DECR2: variants seen among roughly 807,000 people sequenced by gnomAD.
DECR2 encodes the protein 2,4-dienoyl-CoA reductase 2, also known as peroxisomal 2,4-dienoyl-CoA reductase [(3E)-enoyl-CoA-producing].
In DECR2, 34 loss-of-function variants were observed where a neutral mutation model predicts 29.2. That is an observed-to-expected ratio of 1.16 (90% CI 0.89 to 1.55). The LOEUF (loss-of-function observed/expected upper bound fraction) is 1.55. DECR2 is among the 40% of genes most tolerant of loss of function. DECR2 has a pLI of 0.00. For synonymous variants in DECR2, 224 were observed against 182.7 expected (o/e 1.23, Z -1.82); for missense variants, 485 against 425.3 (o/e 1.14, Z -1.23).
intron 4 of DECR2, among the ~76,000 whole-genome samples, chr16:407,863 G>T (rs1404298209): frequency 7.9e-6 from 1 of 126,606 alleles, no homozygotes; most frequent in Non-Finnish European, 1.7e-5. Flanking sequence ...CTGTCTCCGG[G>T]CGTCTCTCTC....
In DECR2 at chr16:407,637, T is replaced by G. The variant is rs574796225; in HGVS notation, c.337+77T>G. The G allele has an allele frequency of 2.8e-5, 44 of 1,579,854 alleles. No individual in the cohort carries two copies. In the African/African-American group the frequency reaches 4.4e-4, roughly 16 times the overall value. On this transcript the variant is annotated intron_variant, in intron 4 of 8. Coordinates refer to ENST00000219481, the MANE Select transcript of DECR2 (RefSeq NM_020664.4). ...TTTGGAGGCCCTAGAACTCTGGTCA[T>G]GGGGTGGGGACCATGCCAGGGAACC...
chr16:404,900 G>A, intron 1 of DECR2, 56 bp from the exon 2 acceptor site: 1 of 1,595,256 alleles, frequency 6.3e-7, no homozygotes, highest in Non-Finnish European at 8.6e-7. Flanking sequence ...AGTGCTGGGA[G>A]CCACCGGCCC....
rs570280733 is a variant in DECR2, at chr16:411,071, G to T, written c.656G>T (p.Arg219Leu). The part of the protein sequence containing the change: ...GPISGTEGLR[R>L]LGGPQASLST... ...ATCAGTGGCACAGAGGGGCTCCGGC[G>T]ACTGGGTAAGGCTCTCAGGGAGCCC... The change falls in exon 7 of 9, where the codon CGA (arginine) becomes CTA (leucine). Residue 219 changes from arginine (R) to leucine (L), a missense_variant. Transcript: ENST00000219481. 1.3e-6 allele frequency: 2 copies of T among 1,537,450 alleles called. No individual in the cohort carries two copies. Among genetic ancestry groups the T allele is most frequent in the Non-Finnish European group, 1.7e-6 (2 of 1,145,720 alleles).
chr16:407,971 C>CCCCCTGTCTCCGGCCCCCTGTCTCCGGG (rs2054753085), intron 4 of DECR2, among the ~76,000 whole-genome samples: 2 of 75,962 alleles, frequency 2.6e-5, no homozygotes, highest in African/African-American at 7.6e-5. Context: ...CTGTCTCCGG[C>CCCCCTGTCTCCGGCCCCCTGTCTCCGGG]CCCCTGTCTC....
chr16:405,509 T>C (rs1452324975), intron 2 of DECR2: 2 of 1,300,132 alleles, frequency 1.5e-6, no homozygotes, highest in Admixed American at 2.4e-5. Flanking sequence ...GGCTTTGTGC[T>C]CAGGGCATCT....
intron 2 of DECR2, chr16:405,500 G>C: frequency 7.7e-7 from 1 of 1,295,650 alleles, no homozygotes; most frequent in South Asian, 1.2e-5. Flanking sequence ...TCCACTGGTG[G>C]CTTTGTGCTC....
At chr16:402,144 C>T (rs2054674032) in intron 1 of DECR2, 101 bp downstream of exon 1, 1 of 904,524 alleles carries the variant, frequency 1.1e-6, no homozygotes, top group Non-Finnish European at 1.5e-6. Context: ...GTTAGGAAAC[C>T]TGTCTTGCCT....
chr16:404,508 G>C (rs1018459126), intron 1 of DECR2, among the ~76,000 whole-genome samples: 18 of 152,144 alleles, frequency 1.2e-4, no homozygotes, highest in African/African-American at 4.3e-4. Flanking sequence ...CTAAAGTGCT[G>C]TGATTAGAGG....
At chr16:405,699 T>TAG in intron 2 of DECR2, 2 of 974,718 alleles carry the variant, frequency 2.1e-6, no homozygotes, top group Non-Finnish European at 1.5e-6. Flanking sequence ...GGCAGAAGCG[T>TAG]AGTCTTGGGT....
Position 407,505 on chromosome 16 carries a change from G to C in DECR2, c.282G>C (p.Met94Ile), listed in dbSNP as rs749024117. ...ACGTCCGAGCGCCCCCAGCTGTCAT[G>C]GCCGCCGTGGACCAGGCTCTGAAGG... The part of the protein sequence containing the change: ...SMDVRAPPAV[M>I]AAVDQALKEF... Residue 94 changes from methionine (M) to isoleucine (I), a missense_variant, in exon 4 of 9, where the codon ATG becomes ATC. By Grantham distance (10) the Met-to-Ile change is conservative (BLOSUM62 1). Transcript: ENST00000219481. 11 of 1,613,886 alleles carry C rather than the reference G, an allele frequency of 6.8e-6. No individual in the cohort carries two copies. In the South Asian group the frequency reaches 1.1e-4, roughly 16 times the overall value.
At chr16:408,016 CCTGTCTCCGGGCCCCTGTCTCCGGGCCT>C (rs2054755530) in intron 4 of DECR2, among the ~76,000 whole-genome samples, 2 of 51,526 alleles carry the variant, frequency 3.9e-5, no homozygotes, top group African/African-American at 1.0e-4. Flanking sequence ...TCTCCGGCCC[CCTGTCTCCGGGCCCCTGTCTCCGGGCCT>C]CTGTCTCCGG....
intron 2 of DECR2, 38 bp downstream of exon 2, chr16:405,062 C>T: frequency 6.2e-7 from 1 of 1,612,508 alleles, no homozygotes; most frequent in East Asian, 2.2e-5. Flanking sequence ...CTCCTCGCTT[C>T]TCCCTGCCCG....
chr16:410,976 G>A lies in DECR2; in HGVS notation c.561G>A (p.Ala187=), dbSNP rs140561403. 25,716 of 1,597,190 alleles carry A rather than the reference G, an allele frequency of 0.016. 245 individuals are homozygous for A. Among genetic ancestry groups the A allele is most frequent in the Non-Finnish European group, 0.02 (23,017 of 1,172,012 alleles). The change falls in exon 7 of 9, where the codon GCG becomes GCA. Residue 187 remains alanine, a synonymous_variant. Transcript: ENST00000219481. This position sits in a 1 kb window ranked among gnomAD's most constrained non-coding sequence, Gnocchi z 4.1. The stretch of plus-strand genomic sequence containing the variant: ...ATCCAACTTTCTTCTGTGCAGACGC[G>A]ATGACGCGGCACTTGGCTGTGGAGT... ...HAGSAKAAVD[A]MTRHLAVEWG... is the part of the protein sequence containing the mutation.
At chr16:407,646 G>A (rs878889018) in intron 4 of DECR2, 86 bp downstream of exon 4, 1 of 1,555,450 alleles carries the variant, frequency 6.4e-7, no homozygotes, top group Admixed American at 1.8e-5. Flanking sequence ...ATGGGGTGGG[G>A]ACCATGCCAG....
At position 410,994 on chromosome 16, in the gene DECR2, T is replaced by G. The variant is rs1318971509; in HGVS notation, c.579T>G (p.Ala193=). 1 of 1,603,472 alleles carries G rather than the reference T, an allele frequency of 6.2e-7. No individual in the cohort carries two copies. The highest frequency in any genetic ancestry group is 8.5e-7 in the Non-Finnish European group (1 of 1,175,458). ...AAVDAMTRHL[A]VEWGPQNIRV... ...CAGACGCGATGACGCGGCACTTGGC[T>G]GTGGAGTGGGGTCCCCAAAACATCC... Residue 193 remains alanine (A), a synonymous_variant, in exon 7 of 9, where the codon GCT becomes GCG. Transcript: ENST00000219481. The surrounding 1 kb of genome is among the most constrained non-coding windows in gnomAD (Gnocchi z 4.1).
Position 402,795 on chromosome 16 carries a change from C to G in DECR2, c.80+752C>G, listed in dbSNP as rs192372224. ...GGTCAGGAGTTCGAGACCAGCCTGG[C>G]CAACATGGTGAAACCCCGTCTCTGC... is the stretch of plus-strand genomic sequence containing the variant. On this transcript the variant is annotated intron_variant, in intron 1 of 8. Coordinates refer to ENST00000219481, the MANE Select transcript of DECR2 (RefSeq NM_020664.4). The G allele has an allele frequency of 2.9e-3, 445 of 152,540 alleles. 2 individuals carry two copies. The highest frequency in any genetic ancestry group is 6.8e-3 in the Middle Eastern group (2 of 296). The allele number at this position is 152,540 out of a possible 1,614,324, so 9.4% of individuals were successfully genotyped here. A position where few individuals can be genotyped will look rare whatever the true frequency, so the allele number is the denominator to read the frequency against.
intron 1 of DECR2, 128 bp downstream of exon 1, chr16:402,171 T>G: frequency 1.3e-6 from 1 of 741,006 alleles, no homozygotes; most frequent in Non-Finnish European, 1.9e-6. Context: ...TTTCTTTCTT[T>G]TTTCTTTCTT....
rs1447239771 is a variant in DECR2, at chr16:410,584, G to A, written c.463-107G>A. ...CCCTGCCCTGGGCCTCCCCCTGACGGCCGCCCGCTCCCTGCCCCGGGCCTC... is the reference window on the plus strand; with the variant it reads ...CCCTGCCCTGGGCCTCCCCCTGACGACCGCCCGCTCCCTGCCCCGGGCCTC... On this transcript the variant is annotated intron_variant, in intron 5 of 8. Coordinates refer to ENST00000219481, the MANE Select transcript of DECR2 (RefSeq NM_020664.4). This position sits in a 1 kb window ranked among gnomAD's most constrained non-coding sequence, Gnocchi z 4.1. 7 of 1,384,740 alleles carry A rather than the reference G, an allele frequency of 5.1e-6. 1 individual carries two copies. The highest frequency in any genetic ancestry group is 7.0e-6 in the Non-Finnish European group (7 of 1,002,060). The allele number at this position is 1,384,740 out of a possible 1,614,324, so 85.8% of individuals were successfully genotyped here.
chr16:411,867 A>G (rs1166972109), intron 8 of DECR2, 23 bp from the exon 9 acceptor site: 3 of 417,274 alleles, frequency 7.2e-6, no homozygotes, highest in Admixed American at 4.2e-5. Flanking sequence ...TCAGCCGGCT[A>G]CTAAGTTCTG....
Sources: allele counts gnomAD v4.1 joint callset (sites outside exome capture counted in the v4.1 genomes callset), GRCh38; gene constraint gnomAD v4.1.1; non-coding constraint Gnocchi (gnomAD v3.1); transcripts MANE v1.5; gene names NCBI Gene and HGNC (gene_info 2026-07-23, HGNC 2026-07-21).